The following UMODL1 variants were observed in gnomAD, a reference collection of about 807,000 sequenced individuals.
UMODL1 encodes uromodulin like 1.
UMODL1 carries 128 observed loss-of-function variants against 136.3 expected under a neutral mutation model. The observed-to-expected ratio is 0.94, with a 90% CI of 0.81 to 1.09. The LOEUF (loss-of-function observed/expected upper bound fraction) is 1.09. Among genes scored for constraint, UMODL1 ranks in the 50% least tolerant of loss-of-function variants. The pLI is 0.00. For synonymous variants in UMODL1, 721 were observed against 720.0 expected, an observed-to-expected ratio of 1.00 and a Z score of -0.02; for missense variants, 1,766 against 1,725.6, an observed-to-expected ratio of 1.02 and a Z score of -0.41.
chr21:42,107,389 C>T (rs2066736417), intron 9 of UMODL1, among the ~76,000 whole-genome samples: 1 of 152,196 alleles, frequency 6.6e-6, no homozygotes, highest in African/African-American at 2.4e-5. Flanking sequence ...CTCCCCAAAG[C>T]TTCCAGTTTG....
At chr21:42,129,095 A>T (rs1200160459) in intron 20 of UMODL1, among the ~76,000 whole-genome samples, 4 of 151,748 alleles carry the variant, frequency 2.6e-5, no homozygotes, top group Admixed American at 6.6e-5. Context: ...CTCAGTACAC[A>T]TCTATGTTTG....
chr21:42,087,502 T>A (rs2066439794), intron 4 of UMODL1, among the ~76,000 whole-genome samples: 1 of 152,204 alleles, frequency 6.6e-6, no homozygotes, highest in African/African-American at 2.4e-5. Flanking sequence ...TTTCAAGATA[T>A]TAAGCTGAAA....
intron 14 of UMODL1, among the ~76,000 whole-genome samples, chr21:42,116,353 G>GGA (rs796140089): frequency 2.1e-5 from 3 of 141,038 alleles, no homozygotes; most frequent in African/African-American, 7.8e-5. Context: ...AACCCTGTGG[G>GGA]AAAAAAAAAA....
chr21:42,063,216 T>C lies in UMODL1; in HGVS notation c.-141+2T>C, dbSNP rs2066155875. On this transcript the variant is annotated splice_donor_variant, in intron 1 of 22. Coordinates refer to the UMODL1 transcript ENST00000400424. LOFTEE classifies it low-confidence loss of function (5UTR_SPLICE). ...TCTGCAAAAAGACCCTTTTTCCAAG[T>C]AAGTTGACATTCACAGGTACCTGGG... The C allele has an allele frequency of 6.6e-6, 1 of 152,254 alleles. No homozygotes were observed. Among genetic ancestry groups the C allele is most frequent in the African/African-American group, 2.4e-5 (1 of 41,470 alleles). The allele number at this position is 152,254 out of a possible 1,614,324, so 9.4% of individuals were successfully genotyped here.
At chr21:42,084,296 G>A (rs753909621) in intron 3 of UMODL1, 51 bp downstream of exon 3, 1 of 1,595,040 alleles carries the variant, frequency 6.3e-7, no homozygotes, top group African/African-American at 1.3e-5. Context: ...GCGGGTCTCG[G>A]TGAGGCCTGA....
At chr21:42,117,230 G>T (rs1257223228) in intron 14 of UMODL1, among the ~76,000 whole-genome samples, 1 of 152,218 alleles carries the variant, frequency 6.6e-6, no homozygotes, top group African/African-American at 2.4e-5. Flanking sequence ...GCTTCTTTCA[G>T]TTAAAATGAG....
At position 42,126,332 on chromosome 21, in the gene UMODL1, G is replaced by T; in HGVS notation, c.3148-13G>T. ...GGGGCCTGGGAGCTCCTCATGCTCC[G>T]CTTTGTGCTCAGAACATGACGAACA... On this transcript the variant is annotated splice_polypyrimidine_tract_variant and intron_variant, in intron 17 of 22. Coordinates refer to ENST00000408910, the MANE Select transcript of UMODL1 (RefSeq NM_001004416.3). 2 of 1,613,726 alleles carry T rather than the reference G, an allele frequency of 1.2e-6. No homozygotes were observed. Among genetic ancestry groups the T allele is most frequent in the South Asian group, 1.1e-5 (1 of 91,086 alleles).
chr21:42,090,261 G>A (rs1404517272), intron 5 of UMODL1, 37 bp from the exon 6 acceptor site: 9 of 1,611,750 alleles, frequency 5.6e-6, no homozygotes, highest in Admixed American at 3.3e-5. Context: ...AGGTAGCTGC[G>A]ACTGCTGAGT....
At chr21:42,095,087 C>CGGTTTTTTTTTTTT (rs2066538250) in intron 6 of UMODL1, among the ~76,000 whole-genome samples, 2 of 34,050 alleles carry the variant, frequency 5.9e-5, no homozygotes, top group Admixed American at 7.8e-4. Flanking sequence ...TTTTCTTCTG[C>CGGTTTTTTTTTTTT]TGTTTTTTTT....
intron 21 of UMODL1, among the ~76,000 whole-genome samples, chr21:42,136,537 G>A (rs1308061997): frequency 2.6e-5 from 4 of 152,126 alleles, no homozygotes; most frequent in Admixed American, 1.3e-4. Context: ...GTGGGTCAGC[G>A]CTTTACTCCT....
At chr21:42,125,635 G>A (rs751671581) in intron 17 of UMODL1, among the ~76,000 whole-genome samples, 1 of 152,192 alleles carries the variant, frequency 6.6e-6, no homozygotes, top group Non-Finnish European at 1.5e-5. Flanking sequence ...CAGCAGGGGG[G>A]TGTCTGCAAG....
Position 42,138,947 on chromosome 21 carries a change from C to T in UMODL1, c.*21+1306C>T, listed in dbSNP as rs55965751. On this transcript the variant is annotated intron_variant, in intron 22 of 22. Coordinates refer to ENST00000408910, the MANE Select transcript of UMODL1 (RefSeq NM_001004416.3). ...CTTTTGGAGGCCAAGGCAGGAGGAT[C>T]GCTTAAGCTTAGGAGTTCCAGACCA... Among the ~76,000 whole-genome samples, 1,512 of 152,186 alleles carry T rather than the reference C, an allele frequency of 9.9e-3. 24 individuals are homozygous for T. The highest frequency in any genetic ancestry group is 0.032 in the African/African-American group (1,347 of 41,520).
intron 20 of UMODL1, 50 bp from the exon 21 acceptor site, chr21:42,129,663 A>C: frequency 6.7e-7 from 1 of 1,488,156 alleles, no homozygotes; most frequent in Non-Finnish European, 9.1e-7. Context: ...CTTTCTCATA[A>C]ATGTTGTTCA....
At chr21:42,117,183 G>A (rs1221494973) in intron 14 of UMODL1, among the ~76,000 whole-genome samples, 1 of 152,222 alleles carries the variant, frequency 6.6e-6, no homozygotes, top group Non-Finnish European at 1.5e-5. Context: ...ACATTTCACA[G>A]AAACAGAATC....
chr21:42,107,070 G>T (rs1993363), intron 9 of UMODL1, among the ~76,000 whole-genome samples: 48,449 of 151,990 alleles, frequency 0.32, 7,989 homozygotes, highest in African/African-American at 0.4. Flanking sequence ...TGGTCCTTCC[G>T]CCTCACGGGG....
At chr21:42,131,165 C>T (rs1222998123) in intron 21 of UMODL1, among the ~76,000 whole-genome samples, 1 of 152,208 alleles carries the variant, frequency 6.6e-6, no homozygotes, top group Non-Finnish European at 1.5e-5. Context: ...CTTTAAGCCA[C>T]TGCTATTTTG....
In UMODL1 at chr21:42,111,692, C is replaced by T. The variant is rs1336172889; in HGVS notation, c.2086C>T (p.Leu696=). The T allele has an allele frequency of 1.2e-6, 2 of 1,612,222 alleles. No homozygotes were observed. Among genetic ancestry groups the T allele is most frequent in the Admixed American group, 3.3e-5 (2 of 59,950 alleles). Residue 696 remains leucine (L), a synonymous_variant, in exon 12 of 23, where the codon CTG becomes TTG. Coordinates refer to ENST00000408910, the MANE Select transcript of UMODL1 (RefSeq NM_001004416.3). ...DLPLTSTLTA[L]KTPACVPVSI... is the part of the protein sequence containing the mutation. ...GCCATTGACCTCCACCCTCACAGCT[C>T]TGAAGACCCCCGCCTGTGGTGAGTT... is the stretch of plus-strand genomic sequence containing the variant.
intron 17 of UMODL1, among the ~76,000 whole-genome samples, chr21:42,125,293 C>T (rs1395239697): frequency 5.9e-5 from 9 of 152,036 alleles, no homozygotes; most frequent in African/African-American, 1.7e-4. Context: ...GGAGGTGGGG[C>T]ATAAGGTGAT....
chr21:42,082,922 GCC>G (rs11311730), intron 2 of UMODL1, among the ~76,000 whole-genome samples: 3 of 52,562 alleles, frequency 5.7e-5, no homozygotes, highest in Non-Finnish European at 1.9e-4. Context: ...ACCTCTATAA[GCC>G]CCTTTTTCTG....
Sources: gnomAD v4.1 joint callset for allele counts (sites outside exome capture counted in the v4.1 genomes callset) on GRCh38, gnomAD v4.1.1 for gene constraint, MANE v1.5 for transcripts, NCBI Gene and HGNC (gene_info 2026-07-23, HGNC 2026-07-21) for gene names.